The following CA10 variants were observed in gnomAD, a reference collection of about 807,000 sequenced individuals.
The protein encoded by CA10 is carbonic anhydrase-related protein 10.
Under a neutral mutation model 44.2 loss-of-function variants are expected in CA10, and 14 were observed. That is an observed-to-expected ratio of 0.32 (90% confidence interval 0.21 to 0.50). CA10 has a LOEUF of 0.50. Among genes scored for constraint, CA10 ranks in the 20% least tolerant of loss-of-function variants. The pLI is 0.99. For synonymous variants in CA10, 159 were observed against 141.6 expected (o/e 1.12, Z -0.87); for missense variants, 350 against 409.7 (o/e 0.85, Z 1.26).
chr17:51,698,322 C>T (rs561989601), intron 4 of CA10, among the ~76,000 whole-genome samples: 4 of 152,278 alleles, frequency 2.6e-5, no homozygotes, highest in South Asian at 2.1e-4. Flanking sequence ...GGTCACTGGA[C>T]GAAACAAGTC....
chr17:52,157,182 G>A (rs1989821100), intron 1 of CA10, among the ~76,000 whole-genome samples: 3 of 152,174 alleles, frequency 2.0e-5, no homozygotes, highest in Admixed American at 2.0e-4. Context: ...AGGAGGGTGT[G>A]TCAGCAGGTT....
intron 4 of CA10, among the ~76,000 whole-genome samples, chr17:51,724,865 T>C (rs910379004): frequency 2.6e-5 from 4 of 152,206 alleles, no homozygotes; most frequent in Non-Finnish European, 5.9e-5. Flanking sequence ...GGTGTGAGTC[T>C]ACTGGCCGCT....
chr17:51,930,363 G>A (rs1054887280), intron 3 of CA10, among the ~76,000 whole-genome samples: 3 of 152,074 alleles, frequency 2.0e-5, no homozygotes, highest in Non-Finnish European at 4.4e-5. Context: ...TTCCAGTGAT[G>A]AGAAGACCCA....
chr17:52,000,331 CAT>C (rs536946464), intron 2 of CA10, among the ~76,000 whole-genome samples: 28 of 152,180 alleles, frequency 1.8e-4, no homozygotes, highest in African/African-American at 6.0e-4. Flanking sequence ...TAAATCCACA[CAT>C]GAGTTTAACA....
chr17:52,054,543 C>T (rs1330581021), intron 2 of CA10, among the ~76,000 whole-genome samples: 2 of 152,066 alleles, frequency 1.3e-5, no homozygotes, highest in Admixed American at 6.6e-5. Context: ...ATCTCTGTGA[C>T]CCATACCCTA....
intron 6 of CA10, among the ~76,000 whole-genome samples, chr17:51,642,183 A>T (rs1913117891): frequency 6.6e-6 from 1 of 152,224 alleles, no homozygotes; most frequent in African/African-American, 2.4e-5. Context: ...TGACGTGAGT[A>T]ACTACTTAGA....
At chr17:52,025,356 A>G (rs1986268279) in intron 2 of CA10, among the ~76,000 whole-genome samples, 1 of 152,054 alleles carries the variant, frequency 6.6e-6, no homozygotes, top group African/African-American at 2.4e-5. Context: ...AAGCTAACTT[A>G]TTGTCATAGA....
chr17:51,822,190 G>A (rs139144925), intron 3 of CA10, among the ~76,000 whole-genome samples: 43 of 152,232 alleles, frequency 2.8e-4, no homozygotes, highest in African/African-American at 1.0e-3. Context: ...TTGGGAGGCT[G>A]AGGCAGGCAG....
intron 3 of CA10, among the ~76,000 whole-genome samples, chr17:51,854,189 A>G (rs1242245899): frequency 6.6e-6 from 1 of 152,086 alleles, no homozygotes; most frequent in Non-Finnish European, 1.5e-5. Flanking sequence ...CTTCCTCACG[A>G]GATTACTCTG....
rs144165605 is a variant in CA10, at chr17:51,771,275, C to T, written c.280-23457G>A. Among the ~76,000 whole-genome samples the T allele has an allele frequency of 7.8e-4, 118 of 152,114 alleles. 2 individuals are homozygous for T. The East Asian group carries it at 0.014, about 18-fold the overall frequency. On this transcript the variant is annotated intron_variant, in intron 3 of 8. Transcript: ENST00000451037. ...TCCAATACTGGAGATTATATTTCAA[C>T]GTGAGATTTGGACTGGGACAAATAT...
intron 4 of CA10, among the ~76,000 whole-genome samples, chr17:51,683,166 T>TAAGGA (rs1914899828): frequency 6.6e-6 from 1 of 152,230 alleles, no homozygotes; most frequent in South Asian, 2.1e-4. Flanking sequence ...ACCCTTTTCA[T>TAAGGA]GGCTTCATGG....
At chr17:52,109,145 A>C (rs1396804020) in intron 1 of CA10, among the ~76,000 whole-genome samples, 3 of 152,176 alleles carry the variant, frequency 2.0e-5, no homozygotes, top group Admixed American at 2.0e-4. Flanking sequence ...AGGGAGTCAT[A>C]GGGGCATTAC....
intron 4 of CA10, among the ~76,000 whole-genome samples, chr17:51,742,492 A>G (rs1333158823): frequency 2.0e-5 from 3 of 152,188 alleles, no homozygotes; most frequent in African/African-American, 7.2e-5. Flanking sequence ...TTAGTTGCTT[A>G]TTCCTACAAA....
chr17:52,131,841 T>C (rs1422399047), intron 1 of CA10, among the ~76,000 whole-genome samples: 1 of 152,194 alleles, frequency 6.6e-6, no homozygotes, highest in African/African-American at 2.4e-5. Flanking sequence ...TAAAAAATGA[T>C]GAGTTCATGT....
rs773944128 is a variant in CA10 at position 51,653,751 on chromosome 17, A to G, written c.466-15T>C. 6.8e-7 allele frequency: 1 copy of G among 1,481,412 alleles called. No homozygotes were observed. Among genetic ancestry groups the G allele is most frequent in the Admixed American group, 1.7e-5 (1 of 59,842 alleles). The allele number at this position is 1,481,412 out of a possible 1,614,324, so 91.8% of individuals were successfully genotyped here. A position where few individuals can be genotyped will look rare whatever the true frequency, so the allele number is the denominator to read the frequency against. On this transcript the variant is annotated splice_polypyrimidine_tract_variant and intron_variant, in intron 4 of 8. Coordinates refer to ENST00000451037, the MANE Select transcript of CA10 (RefSeq NM_020178.5). ...ATGAGCTGCACCTGGCAGGAGGGAA[A>G]AACAAGAATCAGAACAATAATCCAA...
chr17:51,850,979 C>T (rs1978768490), intron 3 of CA10, among the ~76,000 whole-genome samples: 1 of 152,220 alleles, frequency 6.6e-6, no homozygotes, highest in Admixed American at 6.5e-5. Flanking sequence ...GCTGCCCCTT[C>T]TTCCCAGTGC....
At position 51,699,237 on chromosome 17, in the gene CA10, C is replaced by T. The variant is rs919356213; in HGVS notation, c.466-45501G>A. Among the ~76,000 whole-genome samples, 6 of 151,796 alleles carry T rather than the reference C, an allele frequency of 4.0e-5. No individual in the cohort carries two copies. In the East Asian group the frequency reaches 7.8e-4, roughly 20 times the overall value. ...ACTTGGGAGGCTGAGGCAGGAGAAT[C>T]GCTTGAACCCAGGAGGTGGACCTTG... On this transcript the variant is annotated intron_variant, in intron 4 of 8. Transcript: ENST00000451037.
At chr17:51,872,815 G>C (rs1397652380) in intron 3 of CA10, among the ~76,000 whole-genome samples, 1 of 152,182 alleles carries the variant, frequency 6.6e-6, no homozygotes, top group African/African-American at 2.4e-5. Context: ...TATTTCCAGG[G>C]AGCTTATTGT....
chr17:51,785,084 G>A (rs919110860), intron 3 of CA10, among the ~76,000 whole-genome samples: 3 of 152,152 alleles, frequency 2.0e-5, no homozygotes, highest in Non-Finnish European at 4.4e-5. Context: ...AGTTCCACCT[G>A]TGTTGTTGCC....
Sources: gnomAD v4.1 joint callset for allele counts (sites outside exome capture counted in the v4.1 genomes callset) on GRCh38, gnomAD v4.1.1 for gene constraint, MANE v1.5 for transcripts, NCBI Gene and HGNC (gene_info 2026-07-23, HGNC 2026-07-21) for gene names.